GLRA2: variants seen among roughly 807,000 people sequenced by gnomAD.
The protein encoded by GLRA2 is glycine receptor subunit alpha-2.
Under a neutral mutation model 31.6 loss-of-function variants are expected in GLRA2, and 11 were observed. The observed-to-expected ratio is 0.35, with a 90% confidence interval of 0.22 to 0.58. The LOEUF is 0.58. Ranked by LOEUF, GLRA2 falls within the 20% of genes least tolerant of loss-of-function variation. GLRA2 has a pLI of 0.84. For missense variants in GLRA2, 212 were observed against 351.8 expected (o/e 0.60, Z 3.18); for synonymous variants, 132 against 134.0 (o/e 0.99, Z 0.10).
At chrX:14,461,201 C>T in the GLRA2 span, among the ~76,000 whole-genome samples, 12 of 112,179 alleles carry the variant, frequency 1.1e-4, no homozygotes, top group African/African-American at 3.9e-4. Context: ...AATTTGATTA[C>T]ACTCTAGTCT....
chrX:14,479,472 C>T, the GLRA2 span, among the ~76,000 whole-genome samples: 4 of 111,131 alleles, frequency 3.6e-5, no homozygotes, highest in African/African-American at 1.3e-4. Context: ...ATTGGGGGTA[C>T]AGATAATCCC....
intron 4 of GLRA2, among the ~76,000 whole-genome samples, chrX:14,587,728 TTCTGTAACTTG>T (rs760843546): frequency 9.5e-4 from 106 of 111,890 alleles, no homozygotes; most frequent in Admixed American, 2.3e-3. Flanking sequence ...TTTTCTTCTA[TTCTGTAACTTG>T]TCTGTTTACT....
At chrX:14,603,219 A>G (rs1274838122) in intron 4 of GLRA2, among the ~76,000 whole-genome samples, 1 of 109,647 alleles carries the variant, frequency 9.1e-6, no homozygotes, top group Non-Finnish European at 1.9e-5. Flanking sequence ...CCATTTGTAT[A>G]TCTTCTTTTG....
rs770272884 is a variant in GLRA2, at chrX:14,692,168, C to T, written c.1080+1309C>T. On this transcript the variant is annotated intron_variant, in intron 8 of 8. Coordinates refer to ENST00000218075, the MANE Select transcript of GLRA2 (RefSeq NM_002063.4). ...CTGTTAGCTGCCCTGTCTCACTCTT[C>T]GCTACCTCTCAGGAACATTTTGTCC... Among the ~76,000 whole-genome samples the T allele has an allele frequency of 1.9e-4, 21 of 112,133 alleles. No individual in the cohort carries two copies. The South Asian group carries it at 2.2e-3, about 12-fold the overall frequency.
intron 4 of GLRA2, among the ~76,000 whole-genome samples, chrX:14,596,365 A>G (rs1179687609): frequency 3.6e-5 from 4 of 110,899 alleles, no homozygotes; most frequent in Non-Finnish European, 5.7e-5. Context: ...TTTCCTAGCC[A>G]CATCTACCAT....
chrX:14,521,628 G>T, the GLRA2 span, among the ~76,000 whole-genome samples: 1 of 111,330 alleles, frequency 9.0e-6, no homozygotes, highest in Admixed American at 9.6e-5. Flanking sequence ...CTCCATAAGT[G>T]CATGAGCCAT....
chrX:14,478,842 T>C, the GLRA2 span, among the ~76,000 whole-genome samples: 1 of 112,347 alleles, frequency 8.9e-6, no homozygotes, highest in Non-Finnish European at 1.9e-5. Flanking sequence ...TACATATCTA[T>C]GCATTTTTAC....
intron 7 of GLRA2, among the ~76,000 whole-genome samples, chrX:14,684,146 G>T (rs1287458448): frequency 2.7e-5 from 3 of 111,400 alleles, no homozygotes; most frequent in Non-Finnish European, 5.7e-5. Context: ...TATTATTTCT[G>T]AGGGCTCCGT....
At chrX:14,533,654 A>G (rs2089286735) in intron 2 of GLRA2, among the ~76,000 whole-genome samples, 1 of 111,260 alleles carries the variant, frequency 9.0e-6, no homozygotes, top group African/African-American at 3.2e-5. Context: ...TTGCTCATTC[A>G]TATATTTATC....
At chrX:14,680,113 T>A (rs1027461587) in intron 7 of GLRA2, among the ~76,000 whole-genome samples, 16 of 112,573 alleles carry the variant, frequency 1.4e-4, no homozygotes, top group Non-Finnish European at 2.4e-4. Flanking sequence ...TGTCTTCAAA[T>A]AAAACTTTAT....
chrX:14,670,789 T>C (rs1435289679), intron 7 of GLRA2, among the ~76,000 whole-genome samples: 2 of 111,677 alleles, frequency 1.8e-5, no homozygotes, highest in Admixed American at 1.9e-4. Flanking sequence ...CTAACTGATG[T>C]CCTGTCAACA....
intron 7 of GLRA2, among the ~76,000 whole-genome samples, chrX:14,683,473 A>G (rs1269694320): frequency 2.7e-5 from 3 of 110,959 alleles, no homozygotes; most frequent in African/African-American, 6.6e-5. Context: ...GTAGATTGCA[A>G]AAATTTTCTC....
At chrX:14,664,423 C>T (rs376492026) in intron 7 of GLRA2, among the ~76,000 whole-genome samples, 1 of 111,699 alleles carries the variant, frequency 9.0e-6, no homozygotes, top group African/African-American at 3.2e-5. Flanking sequence ...TATGAATATT[C>T]TATGGGTACT....
In GLRA2 at chrX:14,538,527, G is replaced by T. The variant is rs2089357368; in HGVS notation, c.202+6155G>T. ...AATGTAGAGGTCATAAGCCTCAGTT[G>T]GTTTTCCTTATATTAGTTCAGTGGG... On this transcript the variant is annotated intron_variant, in intron 2 of 8. Transcript: ENST00000218075. 1.8e-5 allele frequency among the ~76,000 whole-genome samples: 2 copies of T among 110,875 alleles called. 1 individual carries two copies. The highest frequency in any genetic ancestry group is 3.8e-5 in the Non-Finnish European group (2 of 52,741).
intron 8 of GLRA2, among the ~76,000 whole-genome samples, chrX:14,728,824 C>T (rs747789154): frequency 1.4e-4 from 16 of 112,629 alleles, no homozygotes; most frequent in Middle Eastern, 4.6e-3. Flanking sequence ...CTTGCAGGTT[C>T]TGCAGCTTCC....
At chrX:14,707,584 A>C (rs2091643534) in intron 8 of GLRA2, among the ~76,000 whole-genome samples, 1 of 83,966 alleles carries the variant, frequency 1.2e-5, no homozygotes, top group Admixed American at 1.5e-4. Flanking sequence ...ACCCTCTAAA[A>C]AAACCAAAAA....
the GLRA2 span, among the ~76,000 whole-genome samples, chrX:14,507,826 T>C: frequency 5.0e-4 from 53 of 105,250 alleles, no homozygotes; most frequent in East Asian, 3.9e-3. Flanking sequence ...CTCAAGTATC[T>C]GGGATTATAG....
intron 7 of GLRA2, among the ~76,000 whole-genome samples, chrX:14,610,259 T>C (rs1271056296): frequency 1.8e-5 from 2 of 112,155 alleles, no homozygotes; most frequent in Non-Finnish European, 3.8e-5. Context: ...TTAGATCATG[T>C]TCCACATTAT....
intron 7 of GLRA2, among the ~76,000 whole-genome samples, chrX:14,626,614 A>G (rs5980052): frequency 0.029 from 3,197 of 111,474 alleles, 115 homozygotes; most frequent in African/African-American, 0.097. Flanking sequence ...CATTTTAACC[A>G]TCATTTTCAT....
Sources: gnomAD v4.1 joint callset for allele counts (sites outside exome capture counted in the v4.1 genomes callset) on GRCh38, gnomAD v4.1.1 for gene constraint, MANE v1.5 for transcripts, NCBI Gene and HGNC (gene_info 2026-07-23, HGNC 2026-07-21) for gene names.